Variants in USP32 observed in about 807,000 individuals in gnomAD.
USP32 encodes ubiquitin specific peptidase 32.
A neutral mutation model predicts 204.8 loss-of-function variants in USP32; 59 were observed. The observed-to-expected ratio is 0.29, with a 90% CI of 0.23 to 0.36. USP32 has a LOEUF of 0.36. USP32 is among the 10% of genes least tolerant of loss of function. The probability of loss-of-function intolerance (pLI) is 1.00; values close to 1 mark genes in which losing one functional copy is unlikely to be tolerated. For synonymous variants in USP32, 517 were observed against 678.4 expected (o/e 0.76, Z 3.70); for missense variants, 1,160 against 1,946.4 (o/e 0.60, Z 7.60).
Position 60,406,156 on chromosome 17 carries a change from CAA to C in USP32, c.106+16088_106+16089del, listed in dbSNP as rs35763642. 9.5e-3 allele frequency among the ~76,000 whole-genome samples: 430 copies of C among 45,174 alleles called. 2 individuals are homozygous for C. The highest frequency in any genetic ancestry group is 0.032 in the African/African-American group (368 of 11,522). The allele number at this position is 45,174 out of a possible 152,430, so 29.6% of individuals were successfully genotyped here. A position where few individuals can be genotyped will look rare whatever the true frequency, so the allele number is the denominator to read the frequency against. On this transcript the variant is annotated intron_variant, in intron 1 of 3. Coordinates refer to the USP32 transcript ENST00000588898. ...TGGGTGACAGTGCAAGACCTTGTCT[CAA>C]AAAAAAAAAAAAAAAAAAAAGCTTA... is the stretch of plus-strand genomic sequence containing the variant.
Position 60,301,579 on chromosome 17 carries a change from G to T in USP32, c.292+20C>A. 1 of 1,445,486 alleles carries T rather than the reference G, an allele frequency of 6.9e-7. No individual in the cohort carries two copies. The highest frequency in any genetic ancestry group is 1.3e-5 in the South Asian group (1 of 79,192). 89.5% of individuals were successfully genotyped at this position (1,445,486 alleles called of 1,614,324 possible). ...TTCTGTACATAGACGAATTATTTTT[G>T]AGATAATAAAAGTACTTACATTTTG... On this transcript the variant is annotated intron_variant, in intron 3 of 33. Transcript: ENST00000300896.
At chr17:60,207,384 C>T (rs1034721196) in intron 24 of USP32, among the ~76,000 whole-genome samples, 4 of 151,846 alleles carry the variant, frequency 2.6e-5, no homozygotes, top group Non-Finnish European at 4.4e-5. Context: ...CAGTTTTGTC[C>T]GTTTCAGGGA....
At chr17:60,238,477 G>A (rs2085791741) in intron 11 of USP32, among the ~76,000 whole-genome samples, 1 of 152,040 alleles carries the variant, frequency 6.6e-6, no homozygotes, top group African/African-American at 2.4e-5. Flanking sequence ...AGACCAGCCT[G>A]GGCAACATGG....
chr17:60,188,876 C>A (rs1356650221), intron 29 of USP32, among the ~76,000 whole-genome samples: 2 of 152,172 alleles, frequency 1.3e-5, no homozygotes, highest in Non-Finnish European at 2.9e-5. Context: ...GTCATATGGG[C>A]CCACTCCCTA....
chr17:60,249,765 G>C, intron 11 of USP32: 1 of 699,090 alleles, frequency 1.4e-6, no homozygotes, highest in African/African-American at 1.8e-5. Flanking sequence ...TGAAATGGTT[G>C]TTTGACAATT....
Position 60,223,504 on chromosome 17 carries a change from C to A in USP32, c.1515G>T (p.Leu505Phe), listed in dbSNP as rs1282074919. The A allele has an allele frequency of 6.2e-7, 1 of 1,613,846 alleles. No homozygotes were observed. The highest frequency in any genetic ancestry group is 8.5e-7 in the Non-Finnish European group (1 of 1,179,948). Residue 505 changes from leucine (L) to phenylalanine (F), a missense_variant, in exon 14 of 34, where the codon TTG becomes TTT. Around this residue, in one of 8 missense-constraint regions of USP32, gnomAD observed 536 missense variants for 680.9 expected, o/e 0.79. Coordinates refer to ENST00000300896, the MANE Select transcript of USP32 (RefSeq NM_032582.4). Reference sequence around the variant, plus strand: ...ACAAAATATTCCCATTGGCTCCCAGCAAACACTGGTTGTTATTGTCAGAAG... The same window carrying A: ...ACAAAATATTCCCATTGGCTCCCAGAAAACACTGGTTGTTATTGTCAGAAG... ...HNTSDNNNQC[L>F]LGANGNILLH...
At chr17:60,394,769 A>G (rs2089888476), upstream of USP32, among the ~76,000 whole-genome samples, 1 of 151,866 alleles carries the variant, frequency 6.6e-6, no homozygotes, top group African/African-American at 2.4e-5. Flanking sequence ...TTTGAGACGG[A>G]GTCTTGCTCT....
At chr17:60,321,205 T>C (rs959925255) in intron 2 of USP32, among the ~76,000 whole-genome samples, 2 of 152,122 alleles carry the variant, frequency 1.3e-5, no homozygotes, top group African/African-American at 4.8e-5. Context: ...CTAAATTGCT[T>C]ATCAAAGTCT....
chr17:60,269,410 A>G, intron 7 of USP32, 40 bp downstream of exon 7: 1 of 1,479,604 alleles, frequency 6.8e-7, no homozygotes, highest in Non-Finnish European at 9.4e-7. Flanking sequence ...TTTTCTCTCT[A>G]CATAGTTTGC....
intron 1 of USP32, among the ~76,000 whole-genome samples, chr17:60,349,787 GT>G (rs2088905984): frequency 6.7e-6 from 1 of 148,356 alleles, no homozygotes; most frequent in Admixed American, 6.8e-5. Context: ...AGCAAACAAT[GT>G]CCATCAACAA....
intron 13 of USP32, 24 bp downstream of exon 13, chr17:60,226,015 C>A: frequency 6.4e-7 from 1 of 1,566,800 alleles, no homozygotes; most frequent in South Asian, 1.2e-5. Flanking sequence ...ACCAATAAAC[C>A]TCAGGGGAAT....
At chr17:60,289,742 T>C (rs777552251) in intron 4 of USP32, among the ~76,000 whole-genome samples, 1 of 151,862 alleles carries the variant, frequency 6.6e-6, no homozygotes, top group Non-Finnish European at 1.5e-5. Context: ...CACAAGGAAA[T>C]ACAATGAAGC....
At chr17:60,225,268 CA>C (rs1400585013) in intron 13 of USP32, among the ~76,000 whole-genome samples, 3 of 151,906 alleles carry the variant, frequency 2.0e-5, no homozygotes, top group Non-Finnish European at 4.4e-5. Context: ...GCCTGGGCAA[CA>C]TGGCAAAACC....
intron 11 of USP32, among the ~76,000 whole-genome samples, chr17:60,241,903 T>C (rs1247724804): frequency 6.6e-6 from 1 of 152,216 alleles, no homozygotes; most frequent in Non-Finnish European, 1.5e-5. Flanking sequence ...TCCCCACTTA[T>C]AAACTGTGCT....
chr17:60,393,061 C>T (rs962014457), upstream of USP32, among the ~76,000 whole-genome samples: 20 of 152,206 alleles, frequency 1.3e-4, no homozygotes, highest in Non-Finnish European at 2.6e-4. Flanking sequence ...TGCCACGTCC[C>T]ATTTCCCACC....
At chr17:60,382,626 G>C (rs534691544) in intron 1 of USP32, among the ~76,000 whole-genome samples, 19 of 152,264 alleles carry the variant, frequency 1.2e-4, no homozygotes, top group African/African-American at 4.6e-4. Context: ...TTAGAACCAA[G>C]AGAGAGCTCT....
chr17:60,317,786 G>A (rs771325899), intron 2 of USP32, among the ~76,000 whole-genome samples: 14 of 152,154 alleles, frequency 9.2e-5, no homozygotes, highest in Non-Finnish European at 1.5e-4. Flanking sequence ...AACACAGTGA[G>A]ACCAGCCTGG....
chr17:60,226,968 C>T (rs776710425), intron 12 of USP32, among the ~76,000 whole-genome samples: 21 of 145,974 alleles, frequency 1.4e-4, no homozygotes, highest in Non-Finnish European at 2.4e-4. Context: ...CACTTGAACC[C>T]GGGAGGTTGC....
At chr17:60,304,354 A>AT (rs954567130) in intron 2 of USP32, among the ~76,000 whole-genome samples, 1 of 150,778 alleles carries the variant, frequency 6.6e-6, no homozygotes, top group Non-Finnish European at 1.5e-5. Context: ...GCTTCCCTTT[A>AT]TTTTTTTATT....
Sources: allele counts gnomAD v4.1 joint callset (sites outside exome capture counted in the v4.1 genomes callset), GRCh38; gene constraint gnomAD v4.1.1; regional missense constraint gnomAD v4.1.1; transcripts MANE v1.5; gene names NCBI Gene and HGNC (gene_info 2026-07-23, HGNC 2026-07-21).